Variants in WWOX observed in about 807,000 individuals in gnomAD.
WWOX encodes WW domain-containing oxidoreductase.
A neutral mutation model predicts 46.2 loss-of-function variants in WWOX; 69 were observed. The ratio of observed to expected loss-of-function variants is 1.49; its 90% CI spans 1.23 to 1.82. The LOEUF is 1.82. Ranked by LOEUF, WWOX falls within the 40% of genes most tolerant of loss-of-function variation. The probability of loss-of-function intolerance (pLI) is 0.00; values close to 1 mark genes in which losing one functional copy is unlikely to be tolerated. For synonymous variants in WWOX, 359 were observed against 202.6 expected (o/e 1.77, Z -6.56); for missense variants, 919 against 542.6 (o/e 1.69, Z -6.89).
chr16:78,840,514 A>T (rs1325466617), intron 8 of WWOX, among the ~76,000 whole-genome samples: 1 of 152,206 alleles, frequency 6.6e-6, no homozygotes, highest in African/African-American at 2.4e-5. Flanking sequence ...GTGTCTACAG[A>T]GCCAGTGGTT....
intron 8 of WWOX, among the ~76,000 whole-genome samples, chr16:79,100,625 C>G (rs930973844): frequency 6.6e-6 from 1 of 152,078 alleles, no homozygotes; most frequent in African/African-American, 2.4e-5. Context: ...ATGTTGTTGA[C>G]AGGCCGCGTT....
At chr16:78,365,532 T>G (rs58724250) in intron 5 of WWOX, among the ~76,000 whole-genome samples, 8,950 of 152,260 alleles carry the variant, frequency 0.059, 314 homozygotes, top group East Asian at 0.12. Flanking sequence ...AGATTCCTGC[T>G]GGAAGGTCCA....
chr16:78,641,814 C>T (rs140102764), intron 8 of WWOX, among the ~76,000 whole-genome samples: 2 of 152,200 alleles, frequency 1.3e-5, no homozygotes, highest in East Asian at 3.9e-4. Context: ...TTTCTGCTTT[C>T]AAGCTTGGCA....
chr16:78,399,990 G>C (rs933576949), intron 6 of WWOX, among the ~76,000 whole-genome samples: 1 of 152,184 alleles, frequency 6.6e-6, no homozygotes, highest in African/African-American at 2.4e-5. Flanking sequence ...TATATTTTTA[G>C]TTGAGCTACT....
intron 5 of WWOX, among the ~76,000 whole-genome samples, chr16:78,301,202 G>A (rs183652666): frequency 6.6e-6 from 1 of 152,112 alleles, no homozygotes; most frequent in African/African-American, 2.4e-5. Context: ...ATAATACCTA[G>A]TCCATAACAA....
At chr16:79,138,044 T>TG (rs2150709602) in intron 8 of WWOX, among the ~76,000 whole-genome samples, 1 of 152,314 alleles carries the variant, frequency 6.6e-6, no homozygotes, top group African/African-American at 2.4e-5. Context: ...ATGGACCCTG[T>TG]GGGTTCTTGT....
chr16:79,034,666 T>G (rs1212119180), intron 8 of WWOX, among the ~76,000 whole-genome samples: 1 of 152,108 alleles, frequency 6.6e-6, no homozygotes, highest in African/African-American at 2.4e-5. Flanking sequence ...TGCTTCTGTG[T>G]CATTTTCCTT....
intron 8 of WWOX, among the ~76,000 whole-genome samples, chr16:78,870,515 CA>C (rs1020356511): frequency 7.9e-5 from 12 of 151,374 alleles, no homozygotes; most frequent in Non-Finnish European, 1.6e-4. Context: ...AAAAAAAAAA[CA>C]AAAAACCCTT....
chr16:78,261,074 G>C (rs1330132440), intron 5 of WWOX, among the ~76,000 whole-genome samples: 3 of 150,742 alleles, frequency 2.0e-5, no homozygotes, highest in Admixed American at 2.0e-4. Flanking sequence ...TGAAATTATT[G>C]ATATTCGAAG....
chr16:79,156,877 A>G (rs924745477), intron 8 of WWOX, among the ~76,000 whole-genome samples: 4 of 150,254 alleles, frequency 2.7e-5, no homozygotes, highest in Non-Finnish European at 4.4e-5. Context: ...AGAAAAAACA[A>G]AACTAACAAC....
At chr16:79,091,871 C>A (rs1251161112) in intron 8 of WWOX, among the ~76,000 whole-genome samples, 2 of 142,040 alleles carry the variant, frequency 1.4e-5, no homozygotes, top group African/African-American at 5.3e-5. Context: ...ACCTCCACTT[C>A]CTGGGTTCAA....
chr16:79,138,131 C>G (rs543987143), intron 8 of WWOX, among the ~76,000 whole-genome samples: 2 of 152,148 alleles, frequency 1.3e-5, no homozygotes, highest in Admixed American at 1.3e-4. Context: ...AATAATTCCC[C>G]GAGAATACTG....
At chr16:78,903,740 T>C (rs2044887036) in intron 8 of WWOX, among the ~76,000 whole-genome samples, 1 of 152,178 alleles carries the variant, frequency 6.6e-6, no homozygotes, top group Admixed American at 6.5e-5. Flanking sequence ...TGCCATCCAT[T>C]ATGCATAGTA....
At chr16:78,995,361 C>T (rs2046969616) in intron 8 of WWOX, among the ~76,000 whole-genome samples, 1 of 152,056 alleles carries the variant, frequency 6.6e-6, no homozygotes, top group South Asian at 2.1e-4. Flanking sequence ...AGAAGTGTGC[C>T]TGTGGACTGC....
chr16:78,569,605 C>T (rs1231555365), intron 8 of WWOX, among the ~76,000 whole-genome samples: 6 of 152,086 alleles, frequency 3.9e-5, no homozygotes, highest in Admixed American at 2.6e-4. Context: ...GAAAAAGAAT[C>T]GCTGTACTTC....
chr16:78,915,922 C>T (rs534141552), intron 8 of WWOX, among the ~76,000 whole-genome samples: 4 of 152,198 alleles, frequency 2.6e-5, no homozygotes, highest in Admixed American at 1.3e-4. Context: ...TTTCTTCACA[C>T]ACAAAACACC....
At chr16:78,875,874 T>C (rs2044224255) in intron 8 of WWOX, among the ~76,000 whole-genome samples, 1 of 152,238 alleles carries the variant, frequency 6.6e-6, no homozygotes, top group African/African-American at 2.4e-5. Context: ...CACACTTTTA[T>C]TGCTTAGTAG....
At chr16:78,127,601 G>C (rs887107080) in intron 4 of WWOX, among the ~76,000 whole-genome samples, 1 of 150,366 alleles carries the variant, frequency 6.7e-6, no homozygotes, top group Non-Finnish European at 1.5e-5. Context: ...GGGAAAAAGA[G>C]AAGGAAAACT....
chr16:78,186,716 G>C (rs1184657182), intron 5 of WWOX, among the ~76,000 whole-genome samples: 1 of 152,252 alleles, frequency 6.6e-6, no homozygotes, highest in Non-Finnish European at 1.5e-5. Context: ...AGTGAGCCAA[G>C]ATCGTGCCAC....
Sources: gnomAD v4.1 joint callset for allele counts (sites outside exome capture counted in the v4.1 genomes callset) on GRCh38, gnomAD v4.1.1 for gene constraint, MANE v1.5 for transcripts, NCBI Gene and HGNC (gene_info 2026-07-23, HGNC 2026-07-21) for gene names.